KDM5B: variants seen among roughly 807,000 people sequenced by gnomAD.
KDM5B encodes the protein lysine-specific demethylase 5B.
Under a neutral mutation model 193.4 loss-of-function variants are expected in KDM5B, and 144 were observed. That is an observed-to-expected ratio of 0.74 (90% CI 0.65 to 0.86). KDM5B has a LOEUF of 0.86. Among genes scored for constraint, KDM5B ranks in the 40% least tolerant of loss-of-function variants. The pLI is 0.00. For synonymous variants in KDM5B, 668 were observed against 682.6 expected, an observed-to-expected ratio of 0.98 and a Z score of 0.33; for missense variants, 1,833 against 1,886.9, an observed-to-expected ratio of 0.97 and a Z score of 0.53.
In KDM5B at chr1:202,736,161, T is replaced by C. The variant is rs1424637332; in HGVS notation, c.3264+52A>G. The C allele has an allele frequency of 3.0e-6, 4 of 1,342,104 alleles. No individual in the cohort carries two copies. The Admixed American group carries it at 7.5e-5, about 25-fold the overall frequency. 83.1% of individuals were successfully genotyped at this position (1,342,104 alleles called of 1,614,324 possible). On this transcript the variant is annotated intron_variant, in intron 21 of 26. Coordinates refer to ENST00000367265, the MANE Select transcript of KDM5B (RefSeq NM_006618.5). ...CTTTGTATGTGATGAACTGCATGTT[T>C]TACCAAACTAGGAGATCTAAGGTCT...
chr1:202,748,919 T>C, intron 14 of KDM5B, 26 bp downstream of exon 14: 2 of 1,570,546 alleles, frequency 1.3e-6, no homozygotes, highest in Non-Finnish European at 8.7e-7. Context: ...AATGACAACA[T>C]GCAGTTGGAT....
At chr1:202,738,328 T>A (rs1558482735) in intron 20 of KDM5B, among the ~76,000 whole-genome samples, 3 of 152,238 alleles carry the variant, frequency 2.0e-5, no homozygotes, top group South Asian at 4.1e-4. Context: ...ACCTTCTGGC[T>A]GCTAGCAATC....
intron 3 of KDM5B, among the ~76,000 whole-genome samples, chr1:202,773,904 A>G (rs924714313): frequency 6.6e-6 from 1 of 151,738 alleles, no homozygotes; most frequent in Non-Finnish European, 1.5e-5. Flanking sequence ...CACCCAGCTA[A>G]TTTTGTATTT....
intron 1 of KDM5B, among the ~76,000 whole-genome samples, chr1:202,782,694 T>A (rs1657247371): frequency 6.6e-6 from 1 of 152,186 alleles, no homozygotes. Context: ...AGGAATATAA[T>A]GTAAGCTGGC....
intron 23 of KDM5B, 74 bp from the exon 24 acceptor site, chr1:202,732,013 G>T: frequency 1.1e-6 from 1 of 882,086 alleles, no homozygotes; most frequent in Non-Finnish European, 1.7e-6. Flanking sequence ...AATGACAGTA[G>T]CTTGCATTAC....
intron 1 of KDM5B, among the ~76,000 whole-genome samples, chr1:202,802,428 T>A (rs1658114305): frequency 6.6e-6 from 1 of 152,196 alleles, no homozygotes. Context: ...TTTTTGAGCC[T>A]GTTGCCCAGG....
Position 202,733,803 on chromosome 1 carries a change from C to T in KDM5B, c.3507G>A (p.Ser1169=), listed in dbSNP as rs752569463. Residue 1169 remains serine (S), a synonymous_variant, in exon 23 of 27, where the codon TCG becomes TCA. Transcript: ENST00000367265. ...LRLANEGKLL[S]PLQDVDIKIC... ...TTTTTATATCCACATCTTGGAGAGG[C>T]GACAGCAATTTCCCTTCATTGGCGA... The T allele has an allele frequency of 9.9e-6, 16 of 1,614,004 alleles. No homozygotes were observed. Among genetic ancestry groups the T allele is most frequent in the East Asian group, 2.2e-5 (1 of 44,888 alleles).
rs560202333 is a variant in KDM5B at position 202,758,481 on chromosome 1, G to A, written c.1107C>T (p.Gly369=). Residue 369 remains glycine, a synonymous_variant, in exon 9 of 27, where the codon GGC becomes GGT. Coordinates refer to ENST00000367265, the MANE Select transcript of KDM5B (RefSeq NM_006618.5). ...TATAGTCCCTGGCTGCTTGTTCAAA[G>A]CCAAATGCTTCTTGTGGCTTACTAC... ...QECSKPQEAF[G]FEQAARDYTL... 1 of 1,610,664 alleles carries A rather than the reference G, an allele frequency of 6.2e-7. No individual in the cohort carries two copies. The highest frequency in any genetic ancestry group is 1.1e-5 in the South Asian group (1 of 90,792).
In KDM5B at chr1:202,759,792, A is replaced by G. The variant is rs573969072; in HGVS notation, c.1077+623T>C. ...ACAGTGGTTATATATGCATTGTGAA[A>G]GCATAACTCTACTTTTTAAGTTGTT... is the stretch of plus-strand genomic sequence containing the variant. On this transcript the variant is annotated intron_variant, in intron 8 of 26. Coordinates refer to ENST00000367265, the MANE Select transcript of KDM5B (RefSeq NM_006618.5). Among the ~76,000 whole-genome samples, 12 of 152,364 alleles carry G rather than the reference A, an allele frequency of 7.9e-5. 1 individual carries two copies. In the East Asian group the frequency reaches 2.1e-3, roughly 27 times the overall value.
At chr1:202,794,444 T>G (rs1353618581) in intron 1 of KDM5B, among the ~76,000 whole-genome samples, 1 of 152,228 alleles carries the variant, frequency 6.6e-6, no homozygotes, top group Non-Finnish European at 1.5e-5. Context: ...ACACTAAGTT[T>G]AGGCTTTAGT....
At position 202,756,442 on chromosome 1, in the gene KDM5B, T is replaced by A; in HGVS notation, c.1272A>T (p.Glu424Asp). The A allele has an allele frequency of 6.2e-7, 1 of 1,613,658 alleles. No individual in the cohort carries two copies. The highest frequency in any genetic ancestry group is 8.5e-7 in the Non-Finnish European group (1 of 1,179,688). The change falls in exon 10 of 27, where the codon GAA becomes GAT. Residue 424 changes from glutamate (E) to aspartate (D), a missense_variant. Physicochemically the swap from Glu to Asp is conservative, Grantham distance 45. This residue lies in a region of KDM5B where 99 missense variants were observed against 162.4 expected (regional missense o/e 0.61). Transcript: ENST00000367265. Reference sequence around the variant, plus strand: ...CCTTTGAGGCAATGTCAGCTCCATATTCCACTGTGACATCCTCCTCAATAG... The same window carrying A: ...CCTTTGAGGCAATGTCAGCTCCATAATCCACTGTGACATCCTCCTCAATAG... ...VSTIEEDVTV[E>D]YGADIASKEF...
At chr1:202,773,015 A>G (rs1572751135) in intron 4 of KDM5B, 103 bp downstream of exon 4, 1 of 885,550 alleles carries the variant, frequency 1.1e-6, no homozygotes, top group Non-Finnish European at 1.8e-6. Flanking sequence ...GTCTTCTAAA[A>G]CAAGGTCTTC....
chr1:202,803,386 TTTTG>T (rs1658154741), intron 1 of KDM5B, among the ~76,000 whole-genome samples: 2 of 152,190 alleles, frequency 1.3e-5, no homozygotes, highest in Non-Finnish European at 2.9e-5. Context: ...AGTCTACACG[TTTTG>T]TTTATTAGTT....
chr1:202,739,285 C>CT (rs556542518), intron 20 of KDM5B, among the ~76,000 whole-genome samples: 117 of 152,260 alleles, frequency 7.7e-4, no homozygotes, highest in Non-Finnish European at 1.5e-3. Flanking sequence ...GTGACACTGT[C>CT]TAAGCTTTAA....
At chr1:202,787,963 C>A (rs1558514551) in intron 1 of KDM5B, among the ~76,000 whole-genome samples, 1 of 151,904 alleles carries the variant, frequency 6.6e-6, no homozygotes. Flanking sequence ...GGGGAGTTTT[C>A]TTGGATCCAC....
intron 2 of KDM5B, among the ~76,000 whole-genome samples, chr1:202,775,538 A>G (rs1445410760): frequency 6.6e-6 from 1 of 150,860 alleles, no homozygotes; most frequent in Non-Finnish European, 1.5e-5. Context: ...CTCTGTCTCA[A>G]TAAAAAAGAA....
chr1:202,757,914 G>A (rs915409268), intron 9 of KDM5B, among the ~76,000 whole-genome samples: 10 of 152,194 alleles, frequency 6.6e-5, no homozygotes, highest in African/African-American at 2.4e-4. Context: ...ATTTGATGGA[G>A]TATTAAATGC....
rs1302285187 is a variant in KDM5B at position 202,729,802 on chromosome 1, G to A, written c.4402C>T (p.Leu1468=). 3.1e-6 allele frequency: 5 copies of A among 1,614,172 alleles called. No homozygotes were observed. The South Asian group carries it at 4.4e-5, about 14-fold the overall frequency. Residue 1468 remains leucine (L), a synonymous_variant, in exon 26 of 27, where the codon CTG becomes TTG. Transcript: ENST00000367265. The part of the protein sequence containing the change: ...ELVRSAETHS[L]PSDTSYSEQE... ...TCGGAATAGGATGTGTCTGAGGGCA[G>A]GGAATGAGTTTCAGCAGAACGAACT...
chr1:202,788,928 G>C (rs954703250), intron 1 of KDM5B, among the ~76,000 whole-genome samples: 1 of 152,084 alleles, frequency 6.6e-6, no homozygotes, highest in Non-Finnish European at 1.5e-5. Context: ...TTCCAAAAAT[G>C]ATCTGTCTGT....
Sources: gnomAD v4.1 joint callset for allele counts (sites outside exome capture counted in the v4.1 genomes callset) on GRCh38, gnomAD v4.1.1 for gene constraint, gnomAD v4.1.1 regional missense constraint, MANE v1.5 for transcripts, NCBI Gene and HGNC (gene_info 2026-07-23, HGNC 2026-07-21) for gene names.